PCDH11X: variants seen among roughly 807,000 people sequenced by gnomAD.
The protein encoded by PCDH11X is protocadherin-11 X-linked.
A neutral mutation model predicts 53.3 loss-of-function variants in PCDH11X; 18 were observed. That is an observed-to-expected ratio of 0.34 (90% confidence interval 0.23 to 0.50). The LOEUF (loss-of-function observed/expected upper bound fraction) is 0.50. Ranked by LOEUF, PCDH11X falls within the 20% of genes least tolerant of loss-of-function variation. The pLI, the probability that PCDH11X is intolerant of heterozygous loss-of-function variation, is 0.98. For synonymous variants in PCDH11X, 279 were observed against 393.3 expected, an observed-to-expected ratio of 0.71 and a Z score of 3.44; for missense variants, 570 against 1,032.4, an observed-to-expected ratio of 0.55 and a Z score of 6.14.
intron 6 of PCDH11X, among the ~76,000 whole-genome samples, chrX:91,973,008 A>G (rs1480736643): frequency 9.1e-6 from 1 of 110,460 alleles, no homozygotes; most frequent in Admixed American, 9.7e-5. Context: ...TTGTGGCATT[A>G]TTCACAATAG....
Position 91,905,787 on chromosome X carries a change from T to A in PCDH11X, c.3033+26514T>A, listed in dbSNP as rs1190277008. On this transcript the variant is annotated intron_variant, in intron 6 of 10. Coordinates refer to ENST00000682573, the MANE Select transcript of PCDH11X (RefSeq NM_032968.5). Reference sequence around the variant, plus strand: ...AACTAATTTTCTCAAGATTTGAAACTTTTGTTTCTAAAAAATAAACTAAAT... The same window carrying A: ...AACTAATTTTCTCAAGATTTGAAACATTTGTTTCTAAAAAATAAACTAAAT... Among the ~76,000 whole-genome samples, 3 of 111,261 alleles carry A rather than the reference T, an allele frequency of 2.7e-5. No homozygotes were observed. In the Admixed American group the frequency reaches 2.9e-4, roughly 11 times the overall value.
chrX:92,185,078 T>C (rs1163060433), intron 6 of PCDH11X, among the ~76,000 whole-genome samples: 3 of 110,174 alleles, frequency 2.7e-5, no homozygotes, highest in African/African-American at 3.3e-5. Flanking sequence ...TAATTTAACA[T>C]ATTAACAATA....
At chrX:92,614,833 G>C (rs1202021219) in intron 10 of PCDH11X, among the ~76,000 whole-genome samples, 1 of 111,930 alleles carries the variant, frequency 8.9e-6, no homozygotes, top group Non-Finnish European at 1.9e-5. Context: ...CCAGGTCGGA[G>C]AGCGAGTGCT....
chrX:92,225,889 T>C (rs2066961507), intron 7 of PCDH11X, among the ~76,000 whole-genome samples: 1 of 111,824 alleles, frequency 8.9e-6, no homozygotes, highest in African/African-American at 3.2e-5. Context: ...AAGTCTTAAA[T>C]TGAAATAGAT....
intron 6 of PCDH11X, among the ~76,000 whole-genome samples, chrX:91,951,087 C>T (rs1222639142): frequency 1.8e-5 from 2 of 110,803 alleles, no homozygotes; most frequent in East Asian, 5.7e-4. Context: ...CTTTGTTTTT[C>T]AGGTAGAAAT....
rs751517554 is a variant in PCDH11X at position 91,959,327 on chromosome X, C to T, written c.3033+80054C>T. Among the ~76,000 whole-genome samples the T allele has an allele frequency of 3.6e-5, 4 of 110,948 alleles. No individual in the cohort carries two copies. In the South Asian group the frequency reaches 1.5e-3, roughly 43 times the overall value. ...GATGAGAACACTTGACATCTACTCT[C>T]TTAGTAAATGTCCAGTCTGCAAAAC... On this transcript the variant is annotated intron_variant, in intron 6 of 10. Transcript: ENST00000682573.
intron 10 of PCDH11X, among the ~76,000 whole-genome samples, chrX:92,570,940 A>G (rs1222403829): frequency 1.9e-5 from 2 of 107,204 alleles, no homozygotes; most frequent in African/African-American, 7.5e-5. Flanking sequence ...AAGAATAAAC[A>G]CATAGATATG....
chrX:92,162,945 A>T (rs1392461064), intron 6 of PCDH11X, among the ~76,000 whole-genome samples: 33 of 104,070 alleles, frequency 3.2e-4, no homozygotes, highest in African/African-American at 1.0e-3. Context: ...GTAGGGAAGG[A>T]CCATCAGGTG....
At chrX:92,192,829 C>G (rs1301405032) in intron 6 of PCDH11X, among the ~76,000 whole-genome samples, 1 of 111,003 alleles carries the variant, frequency 9.0e-6, no homozygotes, top group Non-Finnish European at 1.9e-5. Flanking sequence ...ACCTCTGTCT[C>G]CCAGATTCAA....
intron 8 of PCDH11X, among the ~76,000 whole-genome samples, chrX:92,289,706 A>C (rs975339575): frequency 9.0e-6 from 1 of 111,535 alleles, no homozygotes; most frequent in Non-Finnish European, 1.9e-5. Context: ...TCATTTAAAA[A>C]ATGCAACTAT....
intron 8 of PCDH11X, among the ~76,000 whole-genome samples, chrX:92,351,501 CTA>C (rs199630690): frequency 5.5e-3 from 608 of 111,446 alleles, no homozygotes; most frequent in African/African-American, 0.019. Context: ...AGATCTGTAA[CTA>C]TGAAATTCTA....
intron 6 of PCDH11X, among the ~76,000 whole-genome samples, chrX:91,987,967 TTTG>T (rs1315378458): frequency 1.8e-5 from 2 of 110,491 alleles, no homozygotes; most frequent in South Asian, 3.8e-4. Context: ...TAATGGCACT[TTTG>T]TTGTTGTTTT....
At chrX:91,885,850 C>G in intron 6 of PCDH11X, among the ~76,000 whole-genome samples, 1 of 111,875 alleles carries the variant, frequency 8.9e-6, no homozygotes, top group African/African-American at 3.2e-5. Context: ...AATGCAGCGT[C>G]TCTGAGAAAG....
At chrX:92,422,958 C>T (rs1435159115) in intron 9 of PCDH11X, among the ~76,000 whole-genome samples, 1 of 108,354 alleles carries the variant, frequency 9.2e-6, no homozygotes, top group East Asian at 2.9e-4. Flanking sequence ...ACGCCATTCT[C>T]CTGCCTCAGC....
chrX:91,932,698 GT>G (rs2061402996), intron 6 of PCDH11X, among the ~76,000 whole-genome samples: 1 of 95,266 alleles, frequency 1.0e-5, no homozygotes, highest in African/African-American at 4.3e-5. Flanking sequence ...GTGTGTGTGT[GT>G]GCGCGCGCGC....
chrX:92,159,512 C>T (rs2065599307), intron 6 of PCDH11X, among the ~76,000 whole-genome samples: 1 of 106,972 alleles, frequency 9.3e-6, no homozygotes, highest in Non-Finnish European at 1.9e-5. Flanking sequence ...TTATGATACT[C>T]AGGAGAATAA....
At chrX:92,605,369 A>G (rs1341839956) in intron 10 of PCDH11X, among the ~76,000 whole-genome samples, 3 of 111,731 alleles carry the variant, frequency 2.7e-5, no homozygotes, top group Non-Finnish European at 5.6e-5. Flanking sequence ...ATGGTGAAAT[A>G]CTCAATGCTT....
intron 10 of PCDH11X, among the ~76,000 whole-genome samples, chrX:92,527,450 T>A (rs897678986): frequency 9.0e-6 from 1 of 110,868 alleles, no homozygotes; most frequent in African/African-American, 3.3e-5. Context: ...AAAATAAAAG[T>A]ATTATGATTT....
chrX:92,590,355 TG>T (rs1158735207), intron 10 of PCDH11X, among the ~76,000 whole-genome samples: 1 of 111,155 alleles, frequency 9.0e-6, no homozygotes, highest in Admixed American at 9.6e-5. Flanking sequence ...GTTATAAATT[TG>T]GGGGCTCATC....
Sources: gnomAD v4.1 joint callset for allele counts (sites outside exome capture counted in the v4.1 genomes callset) on GRCh38, gnomAD v4.1.1 for gene constraint, MANE v1.5 for transcripts, NCBI Gene and HGNC (gene_info 2026-07-23, HGNC 2026-07-21) for gene names.